Variants in MIPOL1 observed in about 807,000 individuals in gnomAD.
MIPOL1 encodes mirror-image polydactyly 1, also known as mirror-image polydactyly gene 1 protein.
MIPOL1 carries 57 observed loss-of-function variants against 60.9 expected under a neutral mutation model. The observed-to-expected ratio is 0.94, with a 90% confidence interval of 0.76 to 1.17. The LOEUF (loss-of-function observed/expected upper bound fraction) is 1.17. Ranked by LOEUF, MIPOL1 falls within the 50% of genes most tolerant of loss-of-function variation. The pLI is 0.00. For synonymous variants in MIPOL1, 179 were observed against 168.8 expected (o/e 1.06, Z -0.47); for missense variants, 551 against 511.6 (o/e 1.08, Z -0.74).
intron 12 of MIPOL1, among the ~76,000 whole-genome samples, chr14:37,539,630 G>C (rs1048262494): frequency 6.6e-6 from 1 of 152,016 alleles, no homozygotes; most frequent in Admixed American, 6.5e-5. Flanking sequence ...GGAAGTGTTA[G>C]CCTCAAAAAA....
intron 7 of MIPOL1, among the ~76,000 whole-genome samples, chr14:37,304,796 A>G (rs764853073): frequency 2.8e-4 from 42 of 151,820 alleles, no homozygotes; most frequent in Admixed American, 4.6e-4. Flanking sequence ...TAGGAAATCA[A>G]TTGAAACTTG....
At chr14:37,305,721 C>T (rs949105173) in intron 7 of MIPOL1, among the ~76,000 whole-genome samples, 4 of 151,780 alleles carry the variant, frequency 2.6e-5, no homozygotes, top group African/African-American at 7.2e-5. Context: ...AAGTTACTTG[C>T]ATCTATGCAG....
intron 11 of MIPOL1, among the ~76,000 whole-genome samples, chr14:37,429,191 C>T (rs534447112): frequency 1.7e-4 from 26 of 152,214 alleles, no homozygotes; most frequent in South Asian, 1.4e-3. Context: ...TTCCTAAGTT[C>T]AGGAGGCATA....
intron 9 of MIPOL1, among the ~76,000 whole-genome samples, chr14:37,313,383 TA>T (rs1368232070): frequency 1.3e-5 from 2 of 152,160 alleles, no homozygotes; most frequent in Non-Finnish European, 2.9e-5. Flanking sequence ...GTTTTACTTA[TA>T]AGGGTATACA....
intron 10 of MIPOL1, among the ~76,000 whole-genome samples, chr14:37,412,695 GA>G (rs1252725634): frequency 6.6e-6 from 1 of 152,002 alleles, no homozygotes; most frequent in African/African-American, 2.4e-5. Context: ...ATGTGAGGGT[GA>G]TGGAAATAAT....
chr14:37,288,387 A>C (rs1220590714), intron 7 of MIPOL1, among the ~76,000 whole-genome samples: 1 of 152,172 alleles, frequency 6.6e-6, no homozygotes, highest in Non-Finnish European at 1.5e-5. Flanking sequence ...ATTACTTTAC[A>C]AGAAATAACA....
intron 6 of MIPOL1, among the ~76,000 whole-genome samples, chr14:37,283,127 G>A (rs574224872): frequency 6.6e-6 from 1 of 152,006 alleles, no homozygotes; most frequent in East Asian, 1.9e-4. Flanking sequence ...GTGCAATAGC[G>A]AAATCTCTAC....
intron 11 of MIPOL1, among the ~76,000 whole-genome samples, chr14:37,443,169 G>GA (rs2094276992): frequency 2.0e-5 from 3 of 151,916 alleles, no homozygotes; most frequent in Non-Finnish European, 4.4e-5. Context: ...AACCCATAGT[G>GA]GTCATAAAAA....
At chr14:37,456,101 G>A (rs1031662214) in intron 11 of MIPOL1, among the ~76,000 whole-genome samples, 8 of 151,376 alleles carry the variant, frequency 5.3e-5, no homozygotes, top group Non-Finnish European at 8.9e-5. Context: ...TTTCTTCTAC[G>A]TGATATTAAT....
chr14:37,408,498 C>T (rs948678348), intron 10 of MIPOL1, among the ~76,000 whole-genome samples: 10 of 152,116 alleles, frequency 6.6e-5, no homozygotes, highest in African/African-American at 2.2e-4. Flanking sequence ...GGTGTGGTGG[C>T]ATGTACCTAT....
chr14:37,433,014 G>A (rs1241931335), intron 11 of MIPOL1, among the ~76,000 whole-genome samples: 1 of 152,176 alleles, frequency 6.6e-6, no homozygotes. Flanking sequence ...AAATCTCAGA[G>A]CAAGCCATCG....
At position 37,549,286 on chromosome 14, in the gene MIPOL1, C is replaced by T. The variant is rs943389384; in HGVS notation, c.*2315C>T. 1.3e-5 allele frequency: 2 copies of T among 151,806 alleles called. No homozygotes were observed. Among genetic ancestry groups the T allele is most frequent in the African/African-American group, 4.8e-5 (2 of 41,396 alleles). 9.4% of individuals were successfully genotyped at this position (151,806 alleles called of 1,614,324 possible). On this transcript the variant is annotated 3_prime_UTR_variant, in exon 13 of 13. Transcript: ENST00000684589. ...TCTTCTTGTAAAAATAAGTAATTTA[C>T]AGGAAAGGCAAAATGCTAATACTAA...
At chr14:37,231,657 G>T (rs1200209010) in intron 1 of MIPOL1, among the ~76,000 whole-genome samples, 1 of 152,030 alleles carries the variant, frequency 6.6e-6, no homozygotes, top group African/African-American at 2.4e-5. Context: ...TTATATTAAA[G>T]TAAGCTAATG....
chr14:37,284,399 A>G (rs551503350), intron 6 of MIPOL1, among the ~76,000 whole-genome samples: 1 of 152,234 alleles, frequency 6.6e-6, no homozygotes. Flanking sequence ...GCTGGAGTGC[A>G]GTGGTACAAT....
chr14:37,509,043 C>T (rs1001870741), intron 12 of MIPOL1, among the ~76,000 whole-genome samples: 24 of 151,996 alleles, frequency 1.6e-4, no homozygotes, highest in African/African-American at 5.1e-4. Context: ...CCCAGCTATC[C>T]GAACATAATG....
At chr14:37,253,375 C>T (rs570140871) in intron 3 of MIPOL1, among the ~76,000 whole-genome samples, 16 of 151,652 alleles carry the variant, frequency 1.1e-4, no homozygotes, top group South Asian at 6.2e-4. Context: ...AGGACCATTG[C>T]GAAGATGAGG....
chr14:37,208,676 C>T (rs1966489351), intron 1 of MIPOL1, among the ~76,000 whole-genome samples: 1 of 152,198 alleles, frequency 6.6e-6, no homozygotes, highest in Non-Finnish European at 1.5e-5. Context: ...TCACTGCAAC[C>T]TCTGCCCCCT....
chr14:37,398,514 TC>T (rs1283596914), intron 10 of MIPOL1, among the ~76,000 whole-genome samples: 1 of 152,150 alleles, frequency 6.6e-6, no homozygotes, highest in African/African-American at 2.4e-5. Flanking sequence ...TGATCTCTCT[TC>T]CCAGGCCAAC....
intron 4 of MIPOL1, among the ~76,000 whole-genome samples, chr14:37,267,662 T>A (rs1388365058): frequency 6.6e-6 from 1 of 152,176 alleles, no homozygotes; most frequent in Non-Finnish European, 1.5e-5. Flanking sequence ...TATGTCTAGT[T>A]AACTAAGTGA....
Sources: gnomAD v4.1 joint callset for allele counts (sites outside exome capture counted in the v4.1 genomes callset) on GRCh38, gnomAD v4.1.1 for gene constraint, MANE v1.5 for transcripts, NCBI Gene and HGNC (gene_info 2026-07-23, HGNC 2026-07-21) for gene names.